Variants in GDF6 observed in about 807,000 individuals in gnomAD.
GDF6 encodes the protein growth differentiation factor 6, also known as growth/differentiation factor 6.
GDF6 carries 3 observed loss-of-function variants against 32.4 expected under a neutral mutation model. The ratio of observed to expected loss-of-function variants is 0.09; its 90% confidence interval spans 0.04 to 0.24. The LOEUF (loss-of-function observed/expected upper bound fraction) is 0.24. Among genes scored for constraint, GDF6 ranks in the 10% least tolerant of loss-of-function variants. The probability of loss-of-function intolerance (pLI) is 1.00; values close to 1 mark genes in which losing one functional copy is unlikely to be tolerated. For missense variants in GDF6, 589 were observed against 637.9 expected (o/e 0.92, Z 0.83); for synonymous variants, 296 against 295.3 (o/e 1.00, Z -0.03).
Position 96,145,151 on chromosome 8 carries a change from C to T in GDF6, c.780G>A (p.Leu260=). ...RGPQQPPPPD[L]RSLGFGRRVR... Reference sequence around the variant, plus strand: ...CCCTCCGGCCGAAGCCCAGACTCCGCAGGTCCGGGGGCGGCGGTTGCTGGG... The same window carrying T: ...CCCTCCGGCCGAAGCCCAGACTCCGTAGGTCCGGGGGCGGCGGTTGCTGGG... The change falls in exon 2 of 2, where the codon CTG becomes CTA. Residue 260 remains leucine (L), a synonymous_variant. Coordinates refer to ENST00000287020, the MANE Select transcript of GDF6 (RefSeq NM_001001557.4). This position sits in a 1 kb window ranked among gnomAD's most constrained non-coding sequence, Gnocchi z 5.6. 5.3e-6 allele frequency: 8 copies of T among 1,510,302 alleles called. No homozygotes were observed. Among genetic ancestry groups the T allele is most frequent in the Non-Finnish European group, 7.0e-6 (8 of 1,137,674 alleles). 93.6% of individuals were successfully genotyped at this position (1,510,302 alleles called of 1,614,324 possible).
chr8:96,146,952 A>G (rs1429003394), intron 1 of GDF6, among the ~76,000 whole-genome samples: 2 of 152,216 alleles, frequency 1.3e-5, no homozygotes, highest in African/African-American at 2.4e-5. Flanking sequence ...CTCCACTTCA[A>G]TGTGCAAGGC....
Position 96,144,402 on chromosome 8 carries a change from C to A in GDF6, c.*161G>T. 1 of 788,580 alleles carries A rather than the reference C, an allele frequency of 1.3e-6. No homozygotes were observed. The highest frequency in any genetic ancestry group is 2.0e-6 in the Non-Finnish European group (1 of 505,136). The allele number at this position is 788,580 out of a possible 1,614,324, so 48.8% of individuals were successfully genotyped here. On this transcript the variant is annotated 3_prime_UTR_variant, in exon 2 of 2. Coordinates refer to ENST00000287020, the MANE Select transcript of GDF6 (RefSeq NM_001001557.4). This position sits in a 1 kb window ranked among gnomAD's most constrained non-coding sequence, Gnocchi z 5.1. ...CAGGTAGAAGTTACTGGGAAGGCTG[C>A]GCTCCCTTCTCTCCCACCGGCTCTC...
intron 1 of GDF6, among the ~76,000 whole-genome samples, chr8:96,156,409 CCTCT>C (rs1444250623): frequency 3.9e-4 from 45 of 115,556 alleles, no homozygotes; most frequent in Admixed American, 8.8e-4. Flanking sequence ...TCTCTCTTTC[CCTCT>C]CTCTCTCTCT....
intron 1 of GDF6, among the ~76,000 whole-genome samples, chr8:96,154,992 G>A (rs1191736126): frequency 6.6e-6 from 1 of 152,194 alleles, no homozygotes; most frequent in Non-Finnish European, 1.5e-5. Flanking sequence ...GGAAAGAGGA[G>A]CTTTCAAGTC....
chr8:96,152,620 CTTGTCACTTTCGAAGGTTTCG>C (rs1428524956), intron 1 of GDF6, among the ~76,000 whole-genome samples: 2 of 152,220 alleles, frequency 1.3e-5, no homozygotes, highest in Non-Finnish European at 2.9e-5. Flanking sequence ...GCCTGTGGTG[CTTGTCACTTTCGAAGGTTTCG>C]TTGGCGGGTC....
At position 96,160,514 on chromosome 8, in the gene GDF6, G is replaced by A. The variant is rs1293581615; in HGVS notation, c.179C>T (p.Ala60Val). 1 of 1,613,116 alleles carries A rather than the reference G, an allele frequency of 6.2e-7. No homozygotes were observed. Among genetic ancestry groups the A allele is most frequent in the Admixed American group, 1.7e-5 (1 of 59,992 alleles). The change falls in exon 1 of 2, where the codon GCG becomes GTG. Residue 60 changes from alanine to valine, a missense_variant. Around this residue, in one of 2 missense-constraint regions of GDF6, gnomAD observed 436 missense variants for 411.2 expected, o/e 1.06. Transcript: ENST00000287020. ...CTGTGGTTCCTGGCCCTCCCGGCCC[G>A]CGTCACTGTCGCGCGGCGCCCGCTG... ...KMQRAPRDSD[A>V]GREGQEPQPR...
chr8:96,158,691 G>C (rs1008511011), intron 1 of GDF6, among the ~76,000 whole-genome samples: 1 of 152,208 alleles, frequency 6.6e-6, no homozygotes, highest in African/African-American at 2.4e-5. Flanking sequence ...ATTAACAGAG[G>C]ACTTTGAGGG....
At position 96,145,044 on chromosome 8, in the gene GDF6, TGC is replaced by T; in HGVS notation, c.885_886del (p.Gln296AlafsTer142). The T allele has an allele frequency of 6.8e-7, 1 of 1,473,366 alleles. No individual in the cohort carries two copies. Among genetic ancestry groups the T allele is most frequent in the Non-Finnish European group, 8.9e-7 (1 of 1,117,988 alleles). The allele number at this position is 1,473,366 out of a possible 1,614,324, so 91.3% of individuals were successfully genotyped here. A position where few individuals can be genotyped will look rare whatever the true frequency, so the allele number is the denominator to read the frequency against. ...GCCCGCAGCCTCGGCCGAGCCCAGC[TGC>T]TCGCGCATCTCTGCGAACAGGTTCT... On this transcript the variant is annotated frameshift_variant, in exon 2 of 2. Coordinates refer to ENST00000287020, the MANE Select transcript of GDF6 (RefSeq NM_001001557.4). LOFTEE classifies it high-confidence loss of function. The surrounding 1 kb of genome is among the most constrained non-coding windows in gnomAD (Gnocchi z 5.6).
At chr8:96,154,539 G>A (rs1341558029) in intron 1 of GDF6, among the ~76,000 whole-genome samples, 2 of 152,162 alleles carry the variant, frequency 1.3e-5, no homozygotes, top group Non-Finnish European at 2.9e-5. Flanking sequence ...GGGATGTCAA[G>A]CAACGGAATG....
In GDF6 at chr8:96,145,176, G is replaced by A; in HGVS notation, c.755C>T (p.Pro252Leu). ...CAGGTCCGGGGGCGGCGGTTGCTGG[G>A]GTCCCCGCGCGCGCGCCTCGGCCTC... is the stretch of plus-strand genomic sequence containing the variant. ...AGEAEARARGPQQPPPPDLRS... is the reference protein window; with the variant it reads ...AGEAEARARGLQQPPPPDLRS... Residue 252 changes from proline (P) to leucine (L), a missense_variant, in exon 2 of 2, where the codon CCC becomes CTC. Pro to Leu is a moderately conservative substitution (Grantham distance 98). This residue lies in a region of GDF6 where 436 missense variants were observed against 411.2 expected (regional missense o/e 1.06). Transcript: ENST00000287020. The surrounding 1 kb of genome is among the most constrained non-coding windows in gnomAD (Gnocchi z 5.6). 2 of 1,499,046 alleles carry A rather than the reference G, an allele frequency of 1.3e-6. No homozygotes were observed. Among genetic ancestry groups the A allele is most frequent in the Non-Finnish European group, 1.8e-6 (2 of 1,131,922 alleles). 92.9% of individuals were successfully genotyped at this position (1,499,046 alleles called of 1,614,324 possible). A position where few individuals can be genotyped will look rare whatever the true frequency, so the allele number is the denominator to read the frequency against.
intron 1 of GDF6, 50 bp downstream of exon 1, chr8:96,160,237 G>T (rs373691509): frequency 3.6e-5 from 58 of 1,591,726 alleles, no homozygotes; most frequent in Non-Finnish European, 4.7e-5. Context: ...CAGCTCCCTG[G>T]CTGCCGAGCT....
intron 1 of GDF6, among the ~76,000 whole-genome samples, chr8:96,157,870 G>T (rs970021050): frequency 1.3e-5 from 2 of 152,138 alleles, no homozygotes; most frequent in African/African-American, 4.8e-5. Context: ...GGTCACCGCC[G>T]GTGACACATC....
In GDF6 at chr8:96,145,659, G is replaced by T; in HGVS notation, c.407-135C>A. On this transcript the variant is annotated intron_variant, in intron 1 of 1. Transcript: ENST00000287020. This position sits in a 1 kb window ranked among gnomAD's most constrained non-coding sequence, Gnocchi z 5.6. ...GGCAGTCCAGCTTGCCCGGCCCAGGGCCTGACCACCCCGGCTCCCCATCTG... is the reference window on the plus strand; with the variant it reads ...GGCAGTCCAGCTTGCCCGGCCCAGGTCCTGACCACCCCGGCTCCCCATCTG... The T allele has an allele frequency of 9.8e-7, 1 of 1,023,950 alleles. No homozygotes were observed. Among genetic ancestry groups the T allele is most frequent in the Non-Finnish European group, 1.5e-6 (1 of 689,400 alleles). 63.4% of individuals were successfully genotyped at this position (1,023,950 alleles called of 1,614,324 possible).
In GDF6 at chr8:96,144,480, C is replaced by A; in HGVS notation, c.*83G>T. 6.5e-7 allele frequency: 1 copy of A among 1,530,516 alleles called. No homozygotes were observed. Among genetic ancestry groups the A allele is most frequent in the Admixed American group, 1.9e-5 (1 of 51,972 alleles). 94.8% of individuals were successfully genotyped at this position (1,530,516 alleles called of 1,614,324 possible). A position where few individuals can be genotyped will look rare whatever the true frequency, so the allele number is the denominator to read the frequency against. On this transcript the variant is annotated 3_prime_UTR_variant, in exon 2 of 2. Transcript: ENST00000287020. The surrounding 1 kb of genome is among the most constrained non-coding windows in gnomAD (Gnocchi z 5.1). ...CCTCCCCCAGCGCCAGCTTCCTCCT[C>A]CGCCTCTCTGCAGCCAGGCCTCCCC...
intron 1 of GDF6, among the ~76,000 whole-genome samples, chr8:96,158,172 A>C (rs2130233573): frequency 6.6e-6 from 1 of 152,252 alleles, no homozygotes; most frequent in East Asian, 1.9e-4. Context: ...CCTCCACCGC[A>C]TTCCGGGGTT....
chr8:96,148,495 C>A (rs920283502), intron 1 of GDF6, among the ~76,000 whole-genome samples: 6 of 152,224 alleles, frequency 3.9e-5, no homozygotes, highest in African/African-American at 7.2e-5. Flanking sequence ...ATCACATAGG[C>A]GCTTGCTAGA....
intron 1 of GDF6, among the ~76,000 whole-genome samples, chr8:96,152,646 C>A (rs957407734): frequency 2.6e-5 from 4 of 152,208 alleles, no homozygotes; most frequent in Non-Finnish European, 4.4e-5. Context: ...GTTTCGTTGG[C>A]GGGTCTGTCT....
intron 1 of GDF6, among the ~76,000 whole-genome samples, chr8:96,146,717 GAGAGAGAGAT>G (rs775671018): frequency 5.5e-4 from 84 of 151,766 alleles, no homozygotes; most frequent in Non-Finnish European, 9.7e-4. Context: ...CAGAGAGAGA[GAGAGAGAGAT>G]AGAGAGACTT....
chr8:96,145,212 A>G lies in GDF6; in HGVS notation c.719T>C (p.Leu240Pro), dbSNP rs941023182. The part of the protein sequence containing the change: ...CLELRAAWGE[L>P]DAGEAEARAR... ...GCGCGCCTCGGCCTCCCCGGCGTCC[A>G]GCTCGCCCCATGCGGCCCGCAGCTC... The change falls in exon 2 of 2, where the codon CTG (leucine) becomes CCG (proline). Residue 240 changes from leucine to proline, a missense_variant. Physicochemically the swap from Leu to Pro is moderately conservative, Grantham distance 98. This residue lies in a region of GDF6 where 436 missense variants were observed against 411.2 expected (regional missense o/e 1.06). Coordinates refer to ENST00000287020, the MANE Select transcript of GDF6 (RefSeq NM_001001557.4). This position sits in a 1 kb window ranked among gnomAD's most constrained non-coding sequence, Gnocchi z 5.6. 3 of 1,509,638 alleles carry G rather than the reference A, an allele frequency of 2.0e-6. No individual in the cohort carries two copies. The highest frequency in any genetic ancestry group is 1.2e-5 in the South Asian group (1 of 81,272). The allele number at this position is 1,509,638 out of a possible 1,614,324, so 93.5% of individuals were successfully genotyped here.
Sources: gnomAD v4.1 joint callset for allele counts (sites outside exome capture counted in the v4.1 genomes callset) on GRCh38, gnomAD v4.1.1 for gene constraint, gnomAD v4.1.1 regional missense constraint, Gnocchi (gnomAD v3.1) non-coding constraint, MANE v1.5 for transcripts, NCBI Gene and HGNC (gene_info 2026-07-23, HGNC 2026-07-21) for gene names.